The following DNAH17 variants were observed in gnomAD, a reference collection of about 807,000 sequenced individuals.
The protein encoded by DNAH17 is dynein axonemal heavy chain 17.
A neutral mutation model predicts 485.6 loss-of-function variants in DNAH17; 376 were observed. The observed-to-expected ratio is 0.77, with a 90% CI of 0.71 to 0.84. The LOEUF is 0.84. DNAH17 is among the 40% of genes least tolerant of loss of function. DNAH17 has a pLI of 0.00. For missense variants in DNAH17, 6,370 were observed against 5,839.3 expected, an observed-to-expected ratio of 1.09 and a Z score of -2.96; for synonymous variants, 3,031 against 2,405.9, an observed-to-expected ratio of 1.26 and a Z score of -7.60.
chr17:78,577,394 C>T lies in DNAH17; in HGVS notation c.-125G>A, dbSNP rs1030570984. 2 of 152,250 alleles carry T rather than the reference C, an allele frequency of 1.3e-5. No individual in the cohort carries two copies. The highest frequency in any genetic ancestry group is 2.9e-5 in the Non-Finnish European group (2 of 68,056). 9.4% of individuals were successfully genotyped at this position (152,250 alleles called of 1,614,324 possible). On this transcript the variant is annotated 5_prime_UTR_variant, in exon 1 of 81. The change creates a new upstream start codon in the 5' untranslated region. Coordinates refer to ENST00000389840, the MANE Select transcript of DNAH17 (RefSeq NM_173628.4). ...TTCCCTCGAGGGGCTCCAACTGCCA[C>T]ATAACTTCTGGGAGTCTCCTCACGG... is the stretch of plus-strand genomic sequence containing the variant.
intron 43 of DNAH17, among the ~76,000 whole-genome samples, chr17:78,491,114 A>G (rs531298139): frequency 6.6e-6 from 1 of 152,354 alleles, no homozygotes; most frequent in East Asian, 1.9e-4. Context: ...CCCATCCTGG[A>G]AAGTATTGTG....
chr17:78,486,765 A>G (rs1174855860), intron 44 of DNAH17, among the ~76,000 whole-genome samples: 3 of 152,206 alleles, frequency 2.0e-5, no homozygotes, highest in African/African-American at 7.2e-5. Context: ...CTGTAGGTCT[A>G]GAACAGTTGG....
At chr17:78,444,892 C>A in intron 70 of DNAH17, 95 bp from the exon 71 acceptor site, 1 of 1,259,658 alleles carries the variant, frequency 7.9e-7, no homozygotes, top group Non-Finnish European at 1.1e-6. Context: ...GAGGCCATTA[C>A]CCTCCGAGGA....
chr17:78,456,808 G>A (rs986932168), intron 62 of DNAH17, among the ~76,000 whole-genome samples: 3 of 152,118 alleles, frequency 2.0e-5, no homozygotes, highest in East Asian at 1.9e-4. Context: ...CCTCATACCC[G>A]GGGCACCACC....
In DNAH17 at chr17:78,502,650, C is replaced by T. The variant is rs867680542; in HGVS notation, c.5131G>A (p.Ala1711Thr). The change falls in exon 33 of 81, where the codon GCA (alanine) becomes ACA (threonine). Residue 1711 changes from alanine to threonine, a missense_variant. Transcript: ENST00000389840. ...TAGCCTTCCTCCAGCCTGGCAAATG[C>T]CAGGCCCACCTCGGTCGTCCACCAG... ...QIWWTTEVGL[A>T]FARLEEGYEN... 1 of 1,612,128 alleles carries T rather than the reference C, an allele frequency of 6.2e-7. No individual in the cohort carries two copies. The highest frequency in any genetic ancestry group is 8.5e-7 in the Non-Finnish European group (1 of 1,179,780).
chr17:78,480,766 G>A lies in DNAH17; in HGVS notation c.7670C>T (p.Thr2557Met), dbSNP rs370197491. 1.2e-5 allele frequency: 20 copies of A among 1,612,990 alleles called. No homozygotes were observed. Among genetic ancestry groups the A allele is most frequent in the Middle Eastern group, 1.7e-4 (1 of 5,968 alleles). ...CTGACAATTATGGATATCTTTTAAC[G>A]TCAGCTTATGTCTGTCATACCTGAG... Reference protein sequence around the residue: ...HRHWYDRHKLTLKDIHNCQYV... With the variant: ...HRHWYDRHKLMLKDIHNCQYV... Residue 2557 changes from threonine (T) to methionine (M), a missense_variant, in exon 49 of 81, where the codon ACG (threonine) becomes ATG (methionine). Transcript: ENST00000389840.
chr17:78,545,368 A>AG (rs1160489161), intron 16 of DNAH17, among the ~76,000 whole-genome samples: 5 of 152,170 alleles, frequency 3.3e-5, no homozygotes, highest in Admixed American at 3.3e-4. Flanking sequence ...ACCATATACT[A>AG]GGGGGCTTAA....
At chr17:78,476,242 C>G (rs548727490) in intron 52 of DNAH17, among the ~76,000 whole-genome samples, 4 of 129,336 alleles carry the variant, frequency 3.1e-5, no homozygotes, top group South Asian at 5.0e-4. Context: ...GTGGAACCCT[C>G]GGACCCACAG....
At chr17:78,494,447 C>T (rs987335766) in intron 40 of DNAH17, 146 bp downstream of exon 40, 68 of 1,023,632 alleles carry the variant, frequency 6.6e-5, no homozygotes, top group Non-Finnish European at 8.8e-5. Flanking sequence ...GCCAGGGCCA[C>T]GGAGGCAGCT....
intron 12 of DNAH17, 76 bp downstream of exon 12, chr17:78,561,638 CG>C (rs1362683567): frequency 1.8e-5 from 26 of 1,460,832 alleles, no homozygotes; most frequent in Non-Finnish European, 2.4e-5. Context: ...TGGTCCCGCT[CG>C]GGGTTGGGAC....
chr17:78,571,681 T>C lies in DNAH17; in HGVS notation c.641A>G (p.Gln214Arg), dbSNP rs772523865. 6.2e-6 allele frequency: 10 copies of C among 1,614,036 alleles called. No individual in the cohort carries two copies. The East Asian group carries it at 6.7e-5, about 11-fold the overall frequency. Residue 214 changes from glutamine to arginine, a missense_variant, in exon 4 of 81, where the codon CAG (glutamine) becomes CGG (arginine). Transcript: ENST00000389840. ...GGGGTGCAGCCCATCCAGCAGCGCCTGGGCTGAGTCTTTGCTCAGCACATC... is the reference window on the plus strand; with the variant it reads ...GGGGTGCAGCCCATCCAGCAGCGCCCGGGCTGAGTCTTTGCTCAGCACATC... The part of the protein sequence containing the change: ...IRDVLSKDSA[Q>R]ALLDGLHPLP...
chr17:78,437,088 C>A (rs535553144), intron 74 of DNAH17, among the ~76,000 whole-genome samples: 1 of 152,270 alleles, frequency 6.6e-6, no homozygotes, highest in Admixed American at 6.5e-5. Flanking sequence ...AGAGGAGGAC[C>A]GGGCTCCCTA....
chr17:78,435,541 G>A (rs907267403), intron 74 of DNAH17, among the ~76,000 whole-genome samples: 12 of 152,282 alleles, frequency 7.9e-5, no homozygotes, highest in African/African-American at 1.2e-4. Context: ...AGGGCTCCAC[G>A]CTGGCTGGAA....
chr17:78,460,378 ATGTG>A, intron 58 of DNAH17, 121 bp from the exon 59 acceptor site: 4 of 303,598 alleles, frequency 1.3e-5, no homozygotes, highest in Admixed American at 1.0e-4. Flanking sequence ...GCATGAGTGT[ATGTG>A]TGCATATATG....
At chr17:78,447,162 A>T (rs1598463336) in intron 69 of DNAH17, among the ~76,000 whole-genome samples, 2 of 152,144 alleles carry the variant, frequency 1.3e-5, no homozygotes, top group East Asian at 3.9e-4. Context: ...AACCGCCTCA[A>T]GTGATCCTCT....
intron 51 of DNAH17, 173 bp downstream of exon 51, chr17:78,478,852 C>T: frequency 3.3e-6 from 2 of 605,440 alleles, no homozygotes; most frequent in East Asian, 2.8e-5. Context: ...ACCACCATCA[C>T]TACCACTGTC....
At position 78,479,564 on chromosome 17, in the gene DNAH17, G is replaced by A. The variant is rs2089257805; in HGVS notation, c.7821C>T (p.Ile2607=). 2 of 1,613,612 alleles carry A rather than the reference G, an allele frequency of 1.2e-6. No individual in the cohort carries two copies. Among genetic ancestry groups the A allele is most frequent in the Admixed American group, 3.3e-5 (2 of 59,996 alleles). The part of the protein sequence containing the change: ...QEALTTIYNT[I]LTQHLAFRSV... ...AGCGGAAGGCCAGGTGCTGCGTCAG[G>A]ATTGTGTTGTAGATGGTGGTGAGGG... Residue 2607 remains isoleucine, a synonymous_variant, in exon 50 of 81, where the codon ATC becomes ATT. Coordinates refer to ENST00000389840, the MANE Select transcript of DNAH17 (RefSeq NM_173628.4).
At chr17:78,435,005 A>G (rs2086811123) in intron 74 of DNAH17, among the ~76,000 whole-genome samples, 1 of 152,242 alleles carries the variant, frequency 6.6e-6, no homozygotes, top group Non-Finnish European at 1.5e-5. Context: ...TGTCCTGGGC[A>G]TCATGGAAAG....
intron 69 of DNAH17, among the ~76,000 whole-genome samples, chr17:78,446,237 G>A (rs2087293663): frequency 6.8e-6 from 1 of 146,108 alleles, no homozygotes; most frequent in African/African-American, 2.6e-5. Context: ...CAATTCAGTG[G>A]CATTTCACAT....
Sources: allele counts gnomAD v4.1 joint callset (sites outside exome capture counted in the v4.1 genomes callset), GRCh38; gene constraint gnomAD v4.1.1; transcripts MANE v1.5; gene names NCBI Gene and HGNC (gene_info 2026-07-23, HGNC 2026-07-21).